The following ACYP2 variants were observed in gnomAD, a reference collection of about 807,000 sequenced individuals.
ACYP2 encodes acylphosphatase-2.
Under a neutral mutation model 11.2 loss-of-function variants are expected in ACYP2, and 12 were observed. That is an observed-to-expected ratio of 1.08 (90% confidence interval 0.69 to 1.74). ACYP2 has a LOEUF of 1.74. ACYP2 is among the 40% of genes most tolerant of loss of function. The pLI, the probability that ACYP2 is intolerant of heterozygous loss-of-function variation, is 0.00. For synonymous variants in ACYP2, 43 were observed against 32.2 expected (o/e 1.33, Z -1.13); for missense variants, 134 against 101.9 (o/e 1.31, Z -1.35).
At chr2:54,275,680 C>G (rs971204033) in intron 6 of ACYP2, among the ~76,000 whole-genome samples, 9 of 152,106 alleles carry the variant, frequency 5.9e-5, no homozygotes, top group Non-Finnish European at 5.9e-5. Flanking sequence ...AATTTCCTTT[C>G]TAAGGAACAT....
chr2:54,143,664 C>T (rs13401548), intron 6 of ACYP2, among the ~76,000 whole-genome samples: 8,686 of 149,124 alleles, frequency 0.058, 367 homozygotes, highest in African/African-American at 0.12. Context: ...GAACTCCTGA[C>T]CTCATGATCT....
In ACYP2 at chr2:54,048,882, G is replaced by A. The variant is rs185863042; in HGVS notation, c.63-2076G>A. On this transcript the variant is annotated intron_variant, in intron 2 of 6. Coordinates refer to ENST00000607452, the MANE Select transcript of ACYP2 (RefSeq NM_001320586.2). ...AGCACCTCATACCAGGCAAGGGTAGGTGCACCTCAGGGCTCAGCAGGAAGC... is the reference window on the plus strand; with the variant it reads ...AGCACCTCATACCAGGCAAGGGTAGATGCACCTCAGGGCTCAGCAGGAAGC... Among the ~76,000 whole-genome samples, 9 of 152,288 alleles carry A rather than the reference G, an allele frequency of 5.9e-5. No individual in the cohort carries two copies. The East Asian group carries it at 1.5e-3, about 26-fold the overall frequency.
At chr2:54,034,519 C>A (rs537226970) in intron 2 of ACYP2, among the ~76,000 whole-genome samples, 2 of 152,166 alleles carry the variant, frequency 1.3e-5, no homozygotes, top group African/African-American at 4.8e-5. Flanking sequence ...GATAGTCTAT[C>A]CCCTATCACC....
intron 6 of ACYP2, among the ~76,000 whole-genome samples, chr2:54,237,721 T>C (rs1044979783): frequency 2.0e-5 from 3 of 152,232 alleles, no homozygotes; most frequent in Non-Finnish European, 2.9e-5. Flanking sequence ...TTTTTTACTA[T>C]GTTGTGCTTT....
intron 6 of ACYP2, among the ~76,000 whole-genome samples, chr2:54,241,683 T>C (rs1383685942): frequency 6.6e-6 from 1 of 152,254 alleles, no homozygotes; most frequent in Admixed American, 6.5e-5. Context: ...GTATCAGATT[T>C]ATTTATCAAA....
At chr2:54,131,019 T>A (rs765159258) in intron 4 of ACYP2, among the ~76,000 whole-genome samples, 5 of 152,214 alleles carry the variant, frequency 3.3e-5, no homozygotes, top group African/African-American at 4.8e-5. Flanking sequence ...TTAATTGCCA[T>A]ATTTAATTGC....
chr2:53,975,593 A>G (rs984014556), intron 2 of ACYP2, among the ~76,000 whole-genome samples: 1 of 152,056 alleles, frequency 6.6e-6, no homozygotes, highest in Non-Finnish European at 1.5e-5. Context: ...AGCACTTTGG[A>G]GAGACAAGGC....
intron 6 of ACYP2, among the ~76,000 whole-genome samples, chr2:54,296,109 A>C (rs896527071): frequency 2.0e-4 from 30 of 152,186 alleles, no homozygotes; most frequent in African/African-American, 7.2e-4. Context: ...GGAGGCATAT[A>C]ATAAACACAT....
intron 2 of ACYP2, among the ~76,000 whole-genome samples, chr2:54,024,120 T>C (rs1674153823): frequency 6.6e-6 from 1 of 152,140 alleles, no homozygotes; most frequent in African/African-American, 2.4e-5. Flanking sequence ...ATGCCTGTAA[T>C]CCCAGCACTT....
chr2:54,209,669 C>A (rs1685243403), intron 6 of ACYP2, among the ~76,000 whole-genome samples: 4 of 152,100 alleles, frequency 2.6e-5, no homozygotes, highest in African/African-American at 9.6e-5. Flanking sequence ...CAGTTTGAGA[C>A]AAAAAATGAA....
intron 2 of ACYP2, among the ~76,000 whole-genome samples, chr2:54,036,050 G>C (rs770270925): frequency 1.3e-5 from 2 of 152,140 alleles, no homozygotes; most frequent in African/African-American, 2.4e-5. Flanking sequence ...CAAGCTTAGA[G>C]TAGGGGAAAG....
intron 4 of ACYP2, chr2:54,080,327 G>A (rs1443581111): frequency 6.6e-6 from 1 of 152,056 alleles, no homozygotes; most frequent in African/African-American, 2.4e-5. Flanking sequence ...TTTATTATCT[G>A]CCTGACACAT....
intron 6 of ACYP2, among the ~76,000 whole-genome samples, chr2:54,250,217 C>T (rs1002048585): frequency 5.3e-5 from 8 of 152,138 alleles, no homozygotes; most frequent in Non-Finnish European, 7.3e-5. Flanking sequence ...TGGTGGCTCA[C>T]GCTATAATCC....
intron 6 of ACYP2, among the ~76,000 whole-genome samples, chr2:54,289,995 A>G (rs1689230892): frequency 6.6e-6 from 1 of 151,984 alleles, no homozygotes; most frequent in African/African-American, 2.4e-5. Flanking sequence ...TCCATCTAGC[A>G]CATCTGTTCT....
intron 4 of ACYP2, among the ~76,000 whole-genome samples, chr2:54,116,054 A>G (rs939897444): frequency 2.6e-5 from 4 of 152,014 alleles, no homozygotes; most frequent in Admixed American, 6.5e-5. Context: ...GCACGGGGGA[A>G]TGTTGAAGTT....
chr2:53,998,787 G>T (rs944938597), intron 2 of ACYP2, among the ~76,000 whole-genome samples: 1 of 152,130 alleles, frequency 6.6e-6, no homozygotes, highest in Non-Finnish European at 1.5e-5. Context: ...CTGTACTCCA[G>T]CCTGGAGGAC....
At chr2:54,252,030 A>G (rs943472829) in intron 6 of ACYP2, among the ~76,000 whole-genome samples, 17 of 152,206 alleles carry the variant, frequency 1.1e-4, no homozygotes, top group African/African-American at 4.1e-4. Flanking sequence ...CTGACCTAGC[A>G]TGTAAGGCTA....
In ACYP2 at chr2:54,177,901, C is replaced by A. The variant is rs112889867; in HGVS notation, c.404+39153C>A. Among the ~76,000 whole-genome samples, 100 of 124,060 alleles carry A rather than the reference C, an allele frequency of 8.1e-4. 2 individuals carry two copies. Among genetic ancestry groups the A allele is most frequent in the South Asian group, 1.8e-3 (8 of 4,342 alleles). The allele number at this position is 124,060 out of a possible 152,430, so 81.4% of individuals were successfully genotyped here. A position where few individuals can be genotyped will look rare whatever the true frequency, so the allele number is the denominator to read the frequency against. On this transcript the variant is annotated intron_variant, in intron 6 of 6. Transcript: ENST00000607452. ...GGCCTCCTGTTTCTTTTCTTTCTTT[C>A]TTTATTTTTTTTTTTTTTTTTGAGA...
intron 2 of ACYP2, among the ~76,000 whole-genome samples, chr2:53,977,436 G>T (rs1273326730): frequency 6.6e-6 from 1 of 152,010 alleles, no homozygotes; most frequent in Admixed American, 6.6e-5. Flanking sequence ...TTCTATCCCT[G>T]GGTAGATATT....
Sources: allele counts gnomAD v4.1 joint callset (sites outside exome capture counted in the v4.1 genomes callset), GRCh38; gene constraint gnomAD v4.1.1; transcripts MANE v1.5; gene names NCBI Gene and HGNC (gene_info 2026-07-23, HGNC 2026-07-21).